The following ZNF385D variants were observed in gnomAD, a reference collection of about 807,000 sequenced individuals.
The protein encoded by ZNF385D is zinc finger protein 385D, also known as zinc finger protein 659.
A neutral mutation model predicts 35.8 loss-of-function variants in ZNF385D; 15 were observed. The ratio of observed to expected loss-of-function variants is 0.42; its 90% CI spans 0.28 to 0.64. The LOEUF is 0.64. Among genes scored for constraint, ZNF385D ranks in the 30% least tolerant of loss-of-function variants. ZNF385D has a pLI of 0.23. For synonymous variants in ZNF385D, 212 were observed against 186.8 expected, an observed-to-expected ratio of 1.13 and a Z score of -1.10; for missense variants, 474 against 494.6, an observed-to-expected ratio of 0.96 and a Z score of 0.39.
At chr3:21,722,363 C>T (rs994747331) in intron 1 of ZNF385D, among the ~76,000 whole-genome samples, 1 of 152,216 alleles carries the variant, frequency 6.6e-6, no homozygotes. Flanking sequence ...CTTCCTCTCT[C>T]GTCCTCTCCC....
At chr3:22,143,435 C>A (rs1038917875) in intron 3 of ZNF385D, among the ~76,000 whole-genome samples, 1 of 152,104 alleles carries the variant, frequency 6.6e-6, no homozygotes, top group African/African-American at 2.4e-5. Flanking sequence ...GCAAAGTAAA[C>A]AGGGGAAGAC....
intron 3 of ZNF385D, among the ~76,000 whole-genome samples, chr3:21,528,769 T>C (rs1189564911): frequency 6.6e-6 from 1 of 152,170 alleles, no homozygotes; most frequent in Non-Finnish European, 1.5e-5. Context: ...ATCTACTTAC[T>C]ATTATGCTCT....
chr3:21,631,291 A>G (rs2065274044), intron 2 of ZNF385D, among the ~76,000 whole-genome samples: 1 of 152,022 alleles, frequency 6.6e-6, no homozygotes, highest in South Asian at 2.1e-4. Context: ...CTACCCTTCC[A>G]AGGCATGTCA....
intron 3 of ZNF385D, among the ~76,000 whole-genome samples, chr3:22,025,421 C>T (rs1015075978): frequency 2.0e-5 from 3 of 151,978 alleles, no homozygotes; most frequent in Admixed American, 6.6e-5. Flanking sequence ...GTGCTACACT[C>T]GAAAAGAACT....
intron 2 of ZNF385D, among the ~76,000 whole-genome samples, chr3:22,210,009 AT>A (rs1017131672): frequency 6.6e-6 from 1 of 151,810 alleles, no homozygotes; most frequent in Non-Finnish European, 1.5e-5. Flanking sequence ...AATTAATAGT[AT>A]TATATTCAAT....
chr3:22,103,804 C>T (rs986377893), intron 3 of ZNF385D, among the ~76,000 whole-genome samples: 1 of 152,000 alleles, frequency 6.6e-6, no homozygotes, highest in Admixed American at 6.6e-5. Flanking sequence ...GAATGGCAAA[C>T]TATGCCTTAC....
intron 1 of ZNF385D, among the ~76,000 whole-genome samples, chr3:21,699,823 CTTTTTTT>C (rs1006362754): frequency 3.4e-4 from 30 of 88,906 alleles, no homozygotes; most frequent in East Asian, 9.8e-4. Context: ...GTTTCTTTTC[CTTTTTTT>C]TTTTTTTTTT....
chr3:22,047,110 T>C (rs1559331339), intron 3 of ZNF385D, among the ~76,000 whole-genome samples: 1 of 152,138 alleles, frequency 6.6e-6, no homozygotes, highest in Non-Finnish European at 1.5e-5. Flanking sequence ...CTGACATTCT[T>C]GTTGATTGAC....
chr3:22,208,470 G>A lies in ZNF385D; in HGVS notation c.107-39435C>T, dbSNP rs910817724. Among the ~76,000 whole-genome samples, 14 of 151,594 alleles carry A rather than the reference G, an allele frequency of 9.2e-5. No individual in the cohort carries two copies. In the East Asian group the frequency reaches 2.3e-3, roughly 25 times the overall value. ...TGTGGGGTGGGTAGATGGGTGGGGG[G>A]TTAACCGAGTTGGTTAATGGGTACA... On this transcript the variant is annotated intron_variant, in intron 2 of 5. Coordinates refer to the ZNF385D transcript ENST00000494108.
At chr3:21,811,135 TAAATCAGAATTGA>T (rs1387978252) in intron 3 of ZNF385D, among the ~76,000 whole-genome samples, 1 of 152,078 alleles carries the variant, frequency 6.6e-6, no homozygotes, top group African/African-American at 2.4e-5. Context: ...TCTCAAATCT[TAAATCAGAATTGA>T]AAATATCCGT....
intron 2 of ZNF385D, among the ~76,000 whole-genome samples, chr3:21,608,023 G>GTTTTTTTTGGGTTTTTTT (rs2064543255): frequency 8.3e-6 from 1 of 120,220 alleles, no homozygotes; most frequent in African/African-American, 3.2e-5. Context: ...TTTTTTTTTT[G>GTTTTTTTTGGGTTTTTTT]TTTTTTTTTT....
At chr3:22,092,462 T>C (rs943762725) in intron 3 of ZNF385D, among the ~76,000 whole-genome samples, 8 of 152,144 alleles carry the variant, frequency 5.3e-5, no homozygotes, top group South Asian at 2.1e-4. Context: ...GCTGCTTGTA[T>C]GACACCTATC....
chr3:22,307,804 C>A (rs956590900), intron 2 of ZNF385D, among the ~76,000 whole-genome samples: 5 of 149,820 alleles, frequency 3.3e-5, no homozygotes, highest in African/African-American at 1.2e-4. Flanking sequence ...AAATGTAAGG[C>A]AAATCACATA....
chr3:22,066,987 T>C (rs1175663384), intron 3 of ZNF385D, among the ~76,000 whole-genome samples: 1 of 152,216 alleles, frequency 6.6e-6, no homozygotes, highest in Non-Finnish European at 1.5e-5. Flanking sequence ...CAATGGATTA[T>C]GAAAGTCTAG....
In ZNF385D at chr3:21,610,609, A is replaced by C. The variant is rs1331179877; in HGVS notation, c.166-45925T>G. On this transcript the variant is annotated intron_variant, in intron 2 of 7. Coordinates refer to ENST00000281523, the MANE Select transcript of ZNF385D (RefSeq NM_024697.3). ...CACGGTGAAACCCCATCTCTACTAA[A>C]CATACAAAAAAAAAAATTAGCCAGG... is the stretch of plus-strand genomic sequence containing the variant. Among the ~76,000 whole-genome samples, 3 of 151,378 alleles carry C rather than the reference A, an allele frequency of 2.0e-5. No individual in the cohort carries two copies. The East Asian group carries it at 5.8e-4, about 29-fold the overall frequency.
rs148604272 is a variant in ZNF385D, at chr3:22,177,341, T to C, written c.107-8306A>G. On this transcript the variant is annotated intron_variant, in intron 2 of 5. Transcript: ENST00000494108. ...TTAAGAAAGGTTTGCCCCAGAAAAA[T>C]TTCTGAAGACCTGAGTTAGAGAATG... 2.4e-3 allele frequency among the ~76,000 whole-genome samples: 365 copies of C among 152,274 alleles called. 2 individuals carry two copies. Among genetic ancestry groups the C allele is most frequent in the Middle Eastern group, 6.8e-3 (2 of 294 alleles).
intron 2 of ZNF385D, among the ~76,000 whole-genome samples, chr3:22,173,640 T>C (rs1261699844): frequency 6.6e-6 from 1 of 152,290 alleles, no homozygotes; most frequent in East Asian, 1.9e-4. Context: ...AAATAAATTA[T>C]GTGATTTGAA....
intron 2 of ZNF385D, among the ~76,000 whole-genome samples, chr3:22,264,364 C>A (rs1700788951): frequency 6.6e-6 from 1 of 151,996 alleles, no homozygotes; most frequent in African/African-American, 2.4e-5. Context: ...GCCAATCCCA[C>A]TGAAAGTGGT....
intron 3 of ZNF385D, among the ~76,000 whole-genome samples, chr3:21,893,586 G>A (rs1332686366): frequency 6.6e-6 from 1 of 152,092 alleles, no homozygotes; most frequent in East Asian, 1.9e-4. Context: ...CTCATTGAAT[G>A]TTTTCCCCCT....
Sources: gnomAD v4.1 joint callset for allele counts (sites outside exome capture counted in the v4.1 genomes callset) on GRCh38, gnomAD v4.1.1 for gene constraint, MANE v1.5 for transcripts, NCBI Gene and HGNC (gene_info 2026-07-23, HGNC 2026-07-21) for gene names.